Variants in TBC1D5 observed in about 807,000 individuals in gnomAD.
TBC1D5 encodes TBC1 domain family, member 5.
TBC1D5 carries 75 observed loss-of-function variants against 100.3 expected under a neutral mutation model. That is an observed-to-expected ratio of 0.75 (90% CI 0.62 to 0.91). TBC1D5 has a LOEUF of 0.91. Ranked by LOEUF, TBC1D5 falls within the 40% of genes least tolerant of loss-of-function variation. TBC1D5 has a pLI of 0.00. For missense variants in TBC1D5, 910 were observed against 942.4 expected (o/e 0.97, Z 0.45); for synonymous variants, 323 against 325.6 (o/e 0.99, Z 0.09).
chr3:17,589,896 A>C (rs2096755540), intron 2 of TBC1D5, among the ~76,000 whole-genome samples: 1 of 152,212 alleles, frequency 6.6e-6, no homozygotes, highest in Non-Finnish European at 1.5e-5. Flanking sequence ...GATAAATGCT[A>C]TTTTAAAATA....
intron 16 of TBC1D5, among the ~76,000 whole-genome samples, chr3:17,240,509 T>C (rs1177328387): frequency 6.6e-6 from 1 of 152,172 alleles, no homozygotes; most frequent in Non-Finnish European, 1.5e-5. Flanking sequence ...TTAATTTACA[T>C]TTACTATAGG....
chr3:17,730,582 T>C (rs2153984930), intron 1 of TBC1D5, among the ~76,000 whole-genome samples: 1 of 152,220 alleles, frequency 6.6e-6, no homozygotes, highest in Admixed American at 6.5e-5. Flanking sequence ...GTAGATAATC[T>C]AACCCCCACT....
At chr3:17,628,943 A>T (rs550064206) in intron 1 of TBC1D5, among the ~76,000 whole-genome samples, 1 of 152,244 alleles carries the variant, frequency 6.6e-6, no homozygotes, top group African/African-American at 2.4e-5. Context: ...ATTTTCACTG[A>T]CAGCACACGG....
At chr3:17,447,881 C>T (rs767017871) in intron 3 of TBC1D5, among the ~76,000 whole-genome samples, 1 of 152,156 alleles carries the variant, frequency 6.6e-6, no homozygotes, top group Non-Finnish European at 1.5e-5. Flanking sequence ...GAAAACTAAA[C>T]TTCTAAAATA....
chr3:17,643,462 G>A (rs141262802), intron 1 of TBC1D5, among the ~76,000 whole-genome samples: 67 of 151,972 alleles, frequency 4.4e-4, no homozygotes, highest in South Asian at 1.5e-3. Context: ...CTCCTTAAAT[G>A]TTCACCCTTA....
At chr3:17,472,682 A>G (rs906509486) in intron 3 of TBC1D5, among the ~76,000 whole-genome samples, 2 of 152,230 alleles carry the variant, frequency 1.3e-5, no homozygotes, top group African/African-American at 4.8e-5. Context: ...TATACCCGTA[A>G]TTCTCAGCAT....
At chr3:17,182,072 G>C (rs916720782) in intron 19 of TBC1D5, among the ~76,000 whole-genome samples, 3 of 152,084 alleles carry the variant, frequency 2.0e-5, no homozygotes, top group African/African-American at 7.2e-5. Flanking sequence ...CAAATCAAGA[G>C]CATCAAGTCA....
chr3:17,533,066 CAT>C (rs1445487042), intron 2 of TBC1D5, among the ~76,000 whole-genome samples: 2 of 121,982 alleles, frequency 1.6e-5, no homozygotes, highest in African/African-American at 7.6e-5. Flanking sequence ...CACACACACA[CAT>C]ACACAGACAC....
At chr3:17,289,533 G>T (rs2081509789) in intron 15 of TBC1D5, among the ~76,000 whole-genome samples, 1 of 151,816 alleles carries the variant, frequency 6.6e-6, no homozygotes, top group African/African-American at 2.4e-5. Context: ...ACTCAGGAGG[G>T]TGAGGCAGGA....
chr3:17,237,768 G>C (rs2075973830), intron 17 of TBC1D5, among the ~76,000 whole-genome samples: 1 of 152,218 alleles, frequency 6.6e-6, no homozygotes, highest in Non-Finnish European at 1.5e-5. Flanking sequence ...CAACTGTAAT[G>C]CACCAACGAA....
intron 13 of TBC1D5, among the ~76,000 whole-genome samples, chr3:17,328,676 A>G (rs1014582236): frequency 1.3e-5 from 2 of 152,196 alleles, no homozygotes; most frequent in Non-Finnish European, 2.9e-5. Context: ...TTGACATGAG[A>G]TGAAGTCTTC....
intron 18 of TBC1D5, among the ~76,000 whole-genome samples, chr3:17,187,891 C>G (rs2069342485): frequency 6.6e-6 from 1 of 152,196 alleles, no homozygotes; most frequent in Admixed American, 6.5e-5. Flanking sequence ...TCTATTTACT[C>G]CATGCATTAG....
chr3:17,478,991 G>A (rs982657859), intron 3 of TBC1D5, among the ~76,000 whole-genome samples: 1 of 152,102 alleles, frequency 6.6e-6, no homozygotes, highest in Non-Finnish European at 1.5e-5. Flanking sequence ...GAAACAGTAC[G>A]TCATACAAAC....
intron 18 of TBC1D5, among the ~76,000 whole-genome samples, chr3:17,196,899 T>A (rs575499345): frequency 1.3e-5 from 2 of 152,210 alleles, no homozygotes; most frequent in Admixed American, 1.3e-4. Context: ...TAGGGAATAA[T>A]TGAGCATAAC....
chr3:17,192,330 C>A (rs2070039794), intron 18 of TBC1D5, among the ~76,000 whole-genome samples: 1 of 148,966 alleles, frequency 6.7e-6, no homozygotes, highest in African/African-American at 2.5e-5. Context: ...TTCTAAACGA[C>A]ACTAAATAGA....
chr3:17,343,492 A>G (rs1040306754), intron 13 of TBC1D5, among the ~76,000 whole-genome samples: 5 of 140,780 alleles, frequency 3.6e-5, no homozygotes, highest in African/African-American at 1.3e-4. Context: ...AAAATAAGTT[A>G]GGGAGGATTC....
chr3:17,259,960 A>C (rs2078119257), intron 15 of TBC1D5, among the ~76,000 whole-genome samples: 1 of 152,154 alleles, frequency 6.6e-6, no homozygotes, highest in African/African-American at 2.4e-5. Flanking sequence ...ACAATAATCA[A>C]ATCTGAATTG....
chr3:17,633,202 C>T (rs1349629036), intron 1 of TBC1D5, among the ~76,000 whole-genome samples: 3 of 152,152 alleles, frequency 2.0e-5, no homozygotes, highest in East Asian at 1.9e-4. Context: ...TTCAGGAGGC[C>T]GAGGCGAGTG....
chr3:17,577,360 T>C (rs2096663956), intron 2 of TBC1D5, among the ~76,000 whole-genome samples: 1 of 152,036 alleles, frequency 6.6e-6, no homozygotes, highest in Non-Finnish European at 1.5e-5. Context: ...TGCAGTGTTT[T>C]GAAACAGATA....
Sources: allele counts gnomAD v4.1 joint callset (sites outside exome capture counted in the v4.1 genomes callset), GRCh38; gene constraint gnomAD v4.1.1; transcripts MANE v1.5; gene names NCBI Gene and HGNC (gene_info 2026-07-23, HGNC 2026-07-21).